The following TMEM132D variants were observed in gnomAD, a reference collection of about 807,000 sequenced individuals.
TMEM132D encodes the protein mature OL transmembrane protein.
In TMEM132D, 21 loss-of-function variants were observed where a neutral mutation model predicts 62.3. The ratio of observed to expected loss-of-function variants is 0.34; its 90% CI spans 0.24 to 0.49. The LOEUF (loss-of-function observed/expected upper bound fraction) is 0.49, where lower values mean the gene tolerates loss of function less well. TMEM132D is among the 20% of genes least tolerant of loss of function. The pLI is 0.99. For missense variants in TMEM132D, 1,346 were observed against 1,402.8 expected (o/e 0.96, Z 0.65); for synonymous variants, 621 against 575.6 (o/e 1.08, Z -1.13).
At chr12:129,079,391 T>C (rs538831934) in intron 7 of TMEM132D, among the ~76,000 whole-genome samples, 1 of 152,266 alleles carries the variant, frequency 6.6e-6, no homozygotes, top group East Asian at 1.9e-4. Flanking sequence ...AAGCCTCATT[T>C]CTCCTCTGGA....
chr12:129,244,062 A>C (rs1040776084), intron 4 of TMEM132D, among the ~76,000 whole-genome samples: 5 of 152,174 alleles, frequency 3.3e-5, no homozygotes, highest in African/African-American at 1.2e-4. Context: ...CTGGAGCAAC[A>C]GTGAGGGAAA....
chr12:129,647,121 C>CATATATATATATATATAT (rs34158444), intron 2 of TMEM132D, among the ~76,000 whole-genome samples: 1 of 146,400 alleles, frequency 6.8e-6, no homozygotes, highest in African/African-American at 2.5e-5. Context: ...TACATACATA[C>CATATATATATATATATAT]ATATATATAT....
intron 3 of TMEM132D, among the ~76,000 whole-genome samples, chr12:129,438,950 C>T (rs1240862647): frequency 6.6e-6 from 1 of 151,940 alleles, no homozygotes; most frequent in Non-Finnish European, 1.5e-5. Context: ...TTGAAGGTTT[C>T]TTATTGCAAT....
At chr12:129,866,293 G>A (rs1226983317) in intron 1 of TMEM132D, among the ~76,000 whole-genome samples, 1 of 152,098 alleles carries the variant, frequency 6.6e-6, no homozygotes, top group Non-Finnish European at 1.5e-5. Flanking sequence ...GTCCTTTGTA[G>A]GGTCATGGAT....
At chr12:129,707,561 G>A (rs985022742) in intron 1 of TMEM132D, among the ~76,000 whole-genome samples, 1 of 152,128 alleles carries the variant, frequency 6.6e-6, no homozygotes, top group African/African-American at 2.4e-5. Flanking sequence ...ATCAGTTTCT[G>A]AGAAAAAGAA....
rs2135605005 is a variant in TMEM132D at position 129,074,872 on chromosome 12, T to A, written c.2303A>T (p.Lys768Met). 6.2e-7 allele frequency: 1 copy of A among 1,614,066 alleles called. No individual in the cohort carries two copies. The highest frequency in any genetic ancestry group is 8.5e-7 in the Non-Finnish European group (1 of 1,180,018). ...AETEGQGTLVKVEMVISESCQ... is the reference protein window; with the variant it reads ...AETEGQGTLVMVEMVISESCQ... ...GGATTCACTAATAACCATTTCCACC[T>A]TGACCAGGGTGCCTTGTCCTTCTGT... is the stretch of plus-strand genomic sequence containing the variant. Residue 768 changes from lysine (K) to methionine (M), a missense_variant, in exon 9 of 9, where the codon AAG becomes ATG. Transcript: ENST00000422113.
chr12:129,330,765 C>G (rs1227577443), intron 4 of TMEM132D, among the ~76,000 whole-genome samples: 2 of 152,186 alleles, frequency 1.3e-5, no homozygotes, highest in South Asian at 2.1e-4. Context: ...AACTTTAATA[C>G]ATAATTTTCC....
chr12:129,215,687 C>T (rs1420720346), intron 4 of TMEM132D, among the ~76,000 whole-genome samples: 1 of 152,132 alleles, frequency 6.6e-6, no homozygotes, highest in Non-Finnish European at 1.5e-5. Flanking sequence ...GGGACTCTCT[C>T]TTGGATTGTG....
intron 3 of TMEM132D, among the ~76,000 whole-genome samples, chr12:129,511,613 C>T (rs1875498573): frequency 6.6e-6 from 1 of 152,134 alleles, no homozygotes. Context: ...TTTCATGTGC[C>T]TATTTGCCAT....
chr12:129,863,843 GGT>G (rs2137370673), intron 1 of TMEM132D, among the ~76,000 whole-genome samples: 1 of 152,226 alleles, frequency 6.6e-6, no homozygotes, highest in Admixed American at 6.5e-5. Context: ...GCCATTTTCT[GGT>G]AACTGCCCAC....
At chr12:129,343,152 A>G (rs1869553132) in intron 3 of TMEM132D, among the ~76,000 whole-genome samples, 2 of 152,244 alleles carry the variant, frequency 1.3e-5, no homozygotes, top group African/African-American at 4.8e-5. Context: ...CACTATTCAC[A>G]ATAGCAAAGA....
chr12:129,727,122 T>C (rs1869062868), intron 1 of TMEM132D, among the ~76,000 whole-genome samples: 1 of 152,260 alleles, frequency 6.6e-6, no homozygotes, highest in Non-Finnish European at 1.5e-5. Context: ...ATTTTTTATT[T>C]TGATGTATGA....
intron 5 of TMEM132D, among the ~76,000 whole-genome samples, chr12:129,166,918 C>T (rs1015902772): frequency 1.3e-5 from 2 of 152,066 alleles, no homozygotes; most frequent in African/African-American, 4.8e-5. Flanking sequence ...AATCCCAGCA[C>T]TTTGGGAGGC....
At chr12:129,244,243 G>A (rs1362108002) in intron 4 of TMEM132D, among the ~76,000 whole-genome samples, 7 of 151,908 alleles carry the variant, frequency 4.6e-5, no homozygotes, top group East Asian at 1.9e-4. Context: ...AAAATTAGCC[G>A]GGTGTGGTGG....
At chr12:129,431,511 C>G (rs192325201) in intron 3 of TMEM132D, among the ~76,000 whole-genome samples, 4 of 152,156 alleles carry the variant, frequency 2.6e-5, no homozygotes, top group Admixed American at 6.6e-5. Context: ...ATACTGTGGG[C>G]TCTACTTCAC....
intron 1 of TMEM132D, among the ~76,000 whole-genome samples, chr12:129,773,615 T>C (rs575262248): frequency 3.3e-4 from 50 of 152,108 alleles, no homozygotes; most frequent in African/African-American, 8.9e-4. Flanking sequence ...AGGGTATATA[T>C]TGAGAGTATC....
chr12:129,823,658 G>A (rs2173909), intron 1 of TMEM132D, among the ~76,000 whole-genome samples: 14,877 of 152,282 alleles, frequency 0.098, 784 homozygotes, highest in East Asian at 0.16. Flanking sequence ...AGGTCAGTGT[G>A]TTTAGAATTC....
intron 5 of TMEM132D, among the ~76,000 whole-genome samples, chr12:129,127,639 A>G (rs1876254766): frequency 6.6e-6 from 1 of 152,144 alleles, no homozygotes; most frequent in Non-Finnish European, 1.5e-5. Context: ...GACAGGTTGA[A>G]TGGAGTAGGC....
intron 3 of TMEM132D, among the ~76,000 whole-genome samples, chr12:129,370,033 C>G (rs930037523): frequency 1.3e-5 from 2 of 152,184 alleles, no homozygotes; most frequent in Non-Finnish European, 2.9e-5. Context: ...GCTCCCCTAC[C>G]CAGATCCACC....
Sources: allele counts gnomAD v4.1 joint callset (sites outside exome capture counted in the v4.1 genomes callset), GRCh38; gene constraint gnomAD v4.1.1; transcripts MANE v1.5; gene names NCBI Gene and HGNC (gene_info 2026-07-23, HGNC 2026-07-21).